Variants in MICAL2 observed in about 807,000 individuals in gnomAD.
MICAL2 encodes [F-actin]-monooxygenase MICAL2.
MICAL2 carries 77 observed loss-of-function variants against 127.3 expected under a neutral mutation model. The observed-to-expected ratio is 0.60, with a 90% confidence interval of 0.50 to 0.73. The LOEUF is 0.73. Ranked by LOEUF, MICAL2 falls within the 30% of genes least tolerant of loss-of-function variation. The probability of loss-of-function intolerance (pLI) is 0.00; values close to 1 mark genes in which losing one functional copy is unlikely to be tolerated. For missense variants in MICAL2, 1,351 were observed against 1,434.4 expected, an observed-to-expected ratio of 0.94 and a Z score of 0.94; for synonymous variants, 570 against 551.1, an observed-to-expected ratio of 1.03 and a Z score of -0.48.
intron 3 of MICAL2, among the ~76,000 whole-genome samples, chr11:12,179,920 G>T (rs1452347114): frequency 1.3e-5 from 2 of 152,274 alleles, no homozygotes; most frequent in Admixed American, 6.5e-5. Context: ...TGTTTCTTCA[G>T]CCCCTTCCCT....
chr11:12,249,104 C>G (rs1290720940), intron 21 of MICAL2, 80 bp from the exon 22 acceptor site: 2 of 1,581,252 alleles, frequency 1.3e-6, no homozygotes, highest in Admixed American at 1.7e-5. Flanking sequence ...TCCTGTAAAG[C>G]TTCTCTTTCC....
At position 12,162,394 on chromosome 11, in the gene MICAL2, G is replaced by A. The variant is rs896111347; in HGVS notation, c.239G>A (p.Arg80Gln). 10 of 1,614,134 alleles carry A rather than the reference G, an allele frequency of 6.2e-6. No individual in the cohort carries two copies. The highest frequency in any genetic ancestry group is 2.7e-5 in the African/African-American group (2 of 74,944). The change falls in exon 3 of 28, where the codon CGA (arginine) becomes CAA (glutamine). Residue 80 changes from arginine to glutamine, a missense_variant. Arg to Gln is a conservative substitution (Grantham distance 43). Coordinates refer to ENST00000683283, the MANE Select transcript of MICAL2 (RefSeq NM_001282663.2). Reference protein sequence around the residue: ...DKRGSHKEYKRGKSCTNTKCL... With the variant: ...DKRGSHKEYKQGKSCTNTKCL... ...CGTGGTTCCCACAAAGAGTATAAGCGAGGGAAGTCGTGCACGAACACCAAG... is the reference window on the plus strand; with the variant it reads ...CGTGGTTCCCACAAAGAGTATAAGCAAGGGAAGTCGTGCACGAACACCAAG...
At chr11:12,305,864 G>GT (rs1034292216) in intron 29 of MICAL2, among the ~76,000 whole-genome samples, 1 of 152,164 alleles carries the variant, frequency 6.6e-6, no homozygotes, top group African/African-American at 2.4e-5. Flanking sequence ...GGCATGTGGG[G>GT]TTTTTTAAAT....
intron 3 of MICAL2, among the ~76,000 whole-genome samples, chr11:12,200,685 G>A (rs1243860650): frequency 2.0e-5 from 3 of 152,216 alleles, no homozygotes; most frequent in Admixed American, 6.5e-5. Flanking sequence ...TTTCAGGCCC[G>A]AAATATGTAC....
intron 2 of MICAL2, among the ~76,000 whole-genome samples, chr11:12,285,771 T>C (rs566568988): frequency 2.0e-5 from 3 of 152,248 alleles, no homozygotes; most frequent in East Asian, 3.9e-4. Flanking sequence ...GGGAGTGGAA[T>C]ATCTAGGACT....
intron 22 of MICAL2, chr11:12,252,970 C>T (rs1206028774): frequency 6.6e-6 from 1 of 152,216 alleles, no homozygotes; most frequent in East Asian, 1.9e-4. Flanking sequence ...GAGCTTCCCT[C>T]ACTCTACGAT....
intron 23 of MICAL2, chr11:12,256,080 T>C (rs1791596558): frequency 1.1e-5 from 3 of 262,604 alleles, no homozygotes; most frequent in Non-Finnish European, 2.2e-5. Context: ...GTGTCCAACC[T>C]GAACAGACTC....
At position 12,244,078 on chromosome 11, in the gene MICAL2, C is replaced by T. The variant is rs912647345; in HGVS notation, c.2750C>T (p.Pro917Leu). ...CCTGATCCAGCTGCTTCTTCCTCTC[C>T]ATCAACTGTTGACTCTGCTTCTCCT... is the stretch of plus-strand genomic sequence containing the variant. ...PSPDPAASSS[P>L]STVDSASPAR... Residue 917 changes from proline (P) to leucine (L), a missense_variant, in exon 21 of 28, where the codon CCA becomes CTA. Around this residue, in one of 2 missense-constraint regions of MICAL2, gnomAD observed 752 missense variants for 719.4 expected, o/e 1.05. Coordinates refer to ENST00000683283, the MANE Select transcript of MICAL2 (RefSeq NM_001282663.2). The T allele has an allele frequency of 1.3e-5, 21 of 1,614,134 alleles. No homozygotes were observed. The highest frequency in any genetic ancestry group is 1.4e-5 in the Non-Finnish European group (16 of 1,180,058).
chr11:12,305,491 T>A (rs969903837), intron 29 of MICAL2, among the ~76,000 whole-genome samples: 6 of 127,440 alleles, frequency 4.7e-5, no homozygotes, highest in Non-Finnish European at 9.7e-5. Flanking sequence ...ATCATTGTAT[T>A]TACTACTACA....
intron 2 of MICAL2, among the ~76,000 whole-genome samples, chr11:12,138,748 C>A (rs1175353377): frequency 6.6e-6 from 1 of 152,196 alleles, no homozygotes; most frequent in Non-Finnish European, 1.5e-5. Context: ...CTGAGCCAGG[C>A]AGCAATTCCC....
chr11:12,348,800 T>A (rs1412559959), intron 32 of MICAL2, among the ~76,000 whole-genome samples: 1 of 152,166 alleles, frequency 6.6e-6, no homozygotes, highest in African/African-American at 2.4e-5. Context: ...TATCAAGTGG[T>A]GATGATAAGT....
downstream of MICAL2, among the ~76,000 whole-genome samples, chr11:12,267,083 C>T (rs954702363): frequency 6.6e-6 from 1 of 152,200 alleles, no homozygotes; most frequent in Non-Finnish European, 1.5e-5. Flanking sequence ...TTTCTGATTC[C>T]CCAGCCTTCT....
chr11:12,311,995 G>GT (rs1248089816), intron 29 of MICAL2, among the ~76,000 whole-genome samples: 8 of 151,260 alleles, frequency 5.3e-5, no homozygotes, highest in Non-Finnish European at 1.2e-4. Context: ...TTCAACCTAT[G>GT]TTTTTTAATT....
chr11:12,326,959 A>G (rs933050655), intron 31 of MICAL2, among the ~76,000 whole-genome samples: 2 of 152,214 alleles, frequency 1.3e-5, no homozygotes, highest in East Asian at 1.9e-4. Context: ...CCAGTTGAAC[A>G]TACATACAAA....
chr11:12,226,777 C>T (rs547476626), intron 14 of MICAL2, among the ~76,000 whole-genome samples: 7 of 151,240 alleles, frequency 4.6e-5, no homozygotes, highest in South Asian at 4.2e-4. Flanking sequence ...CTCAGCCTCC[C>T]GAGTAGCTGG....
chr11:12,288,846 T>C (rs965419152), downstream of MICAL2, among the ~76,000 whole-genome samples: 4 of 152,212 alleles, frequency 2.6e-5, no homozygotes, highest in African/African-American at 9.7e-5. Context: ...AGCTGCACCA[T>C]GGAGTCCCAG....
intron 32 of MICAL2, among the ~76,000 whole-genome samples, chr11:12,338,491 G>A (rs368988625): frequency 6.6e-6 from 1 of 152,198 alleles, no homozygotes; most frequent in Non-Finnish European, 1.5e-5. Flanking sequence ...ATTTGATCCT[G>A]TCATTATGAT....
At chr11:12,268,427 C>T (rs78520329), downstream of MICAL2, among the ~76,000 whole-genome samples, 1 of 152,194 alleles carries the variant, frequency 6.6e-6, no homozygotes, top group African/African-American at 2.4e-5. Flanking sequence ...CCACACACAT[C>T]CTCTGTCCCC....
downstream of MICAL2, among the ~76,000 whole-genome samples, chr11:12,289,629 C>T (rs376560624): frequency 7.1e-6 from 1 of 141,752 alleles, no homozygotes; most frequent in South Asian, 2.3e-4. Context: ...AGTGCAGTGG[C>T]GTGATCTCAG....
Sources: allele counts gnomAD v4.1 joint callset (sites outside exome capture counted in the v4.1 genomes callset), GRCh38; gene constraint gnomAD v4.1.1; regional missense constraint gnomAD v4.1.1; transcripts MANE v1.5; gene names NCBI Gene and HGNC (gene_info 2026-07-23, HGNC 2026-07-21).